FRMD4B: variants seen among roughly 807,000 people sequenced by gnomAD.
The protein encoded by FRMD4B is FERM domain-containing protein 4B.
Under a neutral mutation model 141.5 loss-of-function variants are expected in FRMD4B, and 74 were observed. The observed-to-expected ratio is 0.52, with a 90% CI of 0.43 to 0.63. The LOEUF (loss-of-function observed/expected upper bound fraction) is 0.63. Among genes scored for constraint, FRMD4B ranks in the 30% least tolerant of loss-of-function variants. The pLI, the probability that FRMD4B is intolerant of heterozygous loss-of-function variation, is 0.00. For synonymous variants in FRMD4B, 506 were observed against 467.9 expected, an observed-to-expected ratio of 1.08 and a Z score of -1.05; for missense variants, 1,366 against 1,253.4, an observed-to-expected ratio of 1.09 and a Z score of -1.36.
In FRMD4B at chr3:69,215,282, C is replaced by CTTTTTTTTTTTTTTTT. The variant is rs1559724064; in HGVS notation, c.876+980_876+981insAAAAAAAAAAAAAAAA. ...AATCCAAATCTGATAGATTGTGACC[C>CTTTTTTTTTTTTTTTT]TCTTTTTTTTTTTTTTTTTTTTTTT... On this transcript the variant is annotated intron_variant, in intron 11 of 22. Coordinates refer to ENST00000398540, the MANE Select transcript of FRMD4B (RefSeq NM_015123.3). Among the ~76,000 whole-genome samples, 14 of 37,482 alleles carry CTTTTTTTTTTTTTTTT rather than the reference C, an allele frequency of 3.7e-4. 2 individuals are homozygous for CTTTTTTTTTTTTTTTT. In the East Asian group the frequency reaches 5.1e-3, roughly 14 times the overall value. 24.6% of individuals were successfully genotyped at this position (37,482 alleles called of 152,430 possible). A position where few individuals can be genotyped will look rare whatever the true frequency, so the allele number is the denominator to read the frequency against.
chr3:69,406,814 C>G (rs1704657468), intron 2 of FRMD4B, among the ~76,000 whole-genome samples: 1 of 152,004 alleles, frequency 6.6e-6, no homozygotes, highest in Non-Finnish European at 1.5e-5. Flanking sequence ...CTCACCATAA[C>G]CTTGAACTTC....
At chr3:69,404,193 G>T (rs1427232242) in intron 2 of FRMD4B, among the ~76,000 whole-genome samples, 1 of 152,116 alleles carries the variant, frequency 6.6e-6, no homozygotes, top group Non-Finnish European at 1.5e-5. Context: ...CAATGTGCCT[G>T]GTCTCCTAAG....
At chr3:69,459,677 G>C (rs563386952) in intron 1 of FRMD4B, among the ~76,000 whole-genome samples, 1 of 152,158 alleles carries the variant, frequency 6.6e-6, no homozygotes, top group Admixed American at 6.5e-5. Context: ...TCCCTGCCTC[G>C]GTTTTCCCAT....
At chr3:69,207,090 G>A (rs910147766) in intron 11 of FRMD4B, among the ~76,000 whole-genome samples, 1 of 151,422 alleles carries the variant, frequency 6.6e-6, no homozygotes, top group African/African-American at 2.4e-5. Flanking sequence ...ATCACTTGAG[G>A]CCATGAGTTC....
At position 69,200,544 on chromosome 3, in the gene FRMD4B, A is replaced by C; in HGVS notation, c.877-1770T>G. On this transcript the variant is annotated intron_variant, in intron 11 of 22. Coordinates refer to ENST00000398540, the MANE Select transcript of FRMD4B (RefSeq NM_015123.3). The stretch of plus-strand genomic sequence containing the variant: ...TTCATAAGACACTTAGGTGTAACTC[A>C]ATTTCACAAACTGAGCCTCCCACGG... The C allele has an allele frequency of 5.4e-6, 6 of 1,110,136 alleles. No homozygotes were observed. The South Asian group carries it at 8.9e-5, about 16-fold the overall frequency. The allele number at this position is 1,110,136 out of a possible 1,614,324, so 68.8% of individuals were successfully genotyped here.
Position 69,224,653 on chromosome 3 carries a change from C to A in FRMD4B, c.619G>T (p.Ala207Ser). The change falls in exon 8 of 23, where the codon GCC (alanine) becomes TCC (serine). Residue 207 changes from alanine to serine, a missense_variant. Ala to Ser is a moderately conservative substitution (Grantham distance 99). Coordinates refer to ENST00000398540, the MANE Select transcript of FRMD4B (RefSeq NM_015123.3). ...TCCTGAAGAGTTTTGGTTGGAAAGG[C>A]TGGTAATGTCTTTAAATCTTTCCTG... The part of the protein sequence containing the change: ...NARKDLKTLP[A>S]FPTKTLQEHP... 6.3e-7 allele frequency: 1 copy of A among 1,583,048 alleles called. No individual in the cohort carries two copies. Among genetic ancestry groups the A allele is most frequent in the Non-Finnish European group, 8.6e-7 (1 of 1,158,264 alleles).
intron 1 of FRMD4B, among the ~76,000 whole-genome samples, chr3:69,498,906 T>C (rs1421701568): frequency 6.6e-6 from 1 of 152,218 alleles, no homozygotes; most frequent in East Asian, 1.9e-4. Context: ...AATTTCCTAC[T>C]GTCATGAAGC....
At chr3:69,539,399 A>G (rs1010943172) in intron 1 of FRMD4B, among the ~76,000 whole-genome samples, 1 of 152,190 alleles carries the variant, frequency 6.6e-6, no homozygotes, top group African/African-American at 2.4e-5. Flanking sequence ...AGTGGCTGTG[A>G]AGTTAACTCC....
At chr3:69,380,574 C>G (rs1378901301) in intron 1 of FRMD4B, among the ~76,000 whole-genome samples, 2 of 152,144 alleles carry the variant, frequency 1.3e-5, no homozygotes, top group African/African-American at 4.8e-5. Context: ...CCACTCTTAC[C>G]CAGGAGGAAA....
chr3:69,459,274 G>A (rs1473055650), intron 1 of FRMD4B, among the ~76,000 whole-genome samples: 2 of 151,936 alleles, frequency 1.3e-5, no homozygotes, highest in African/African-American at 4.8e-5. Context: ...AATGAGCTCT[G>A]TCTAATTATT....
At chr3:69,355,373 T>C (rs1302550741) in intron 1 of FRMD4B, among the ~76,000 whole-genome samples, 1 of 152,210 alleles carries the variant, frequency 6.6e-6, no homozygotes, top group Non-Finnish European at 1.5e-5. Context: ...GCCTGAGTCT[T>C]CTTGTTTGGA....
chr3:69,318,098 A>G (rs114640099), intron 1 of FRMD4B, among the ~76,000 whole-genome samples: 2,161 of 152,214 alleles, frequency 0.014, 26 homozygotes, highest in Non-Finnish European at 0.022. Context: ...CCACCTCCTG[A>G]GTAGCTGGGA....
intron 5 of FRMD4B, among the ~76,000 whole-genome samples, chr3:69,261,109 G>A (rs2093524495): frequency 6.6e-6 from 1 of 152,188 alleles, no homozygotes; most frequent in African/African-American, 2.4e-5. Context: ...TGGAAGGGTT[G>A]TTCTTTTTGG....
At chr3:69,421,867 G>T (rs895460004) in intron 2 of FRMD4B, among the ~76,000 whole-genome samples, 8 of 152,106 alleles carry the variant, frequency 5.3e-5, no homozygotes, top group African/African-American at 1.7e-4. Flanking sequence ...AAGACAAAAT[G>T]AAACAAAGGT....
intron 2 of FRMD4B, among the ~76,000 whole-genome samples, chr3:69,418,027 G>A (rs1442596686): frequency 6.6e-6 from 1 of 152,116 alleles, no homozygotes; most frequent in Admixed American, 6.6e-5. Flanking sequence ...GGCCCATACA[G>A]ATAATCTAGA....
intron 1 of FRMD4B, among the ~76,000 whole-genome samples, chr3:69,380,141 T>C (rs78931193): frequency 0.011 from 1,666 of 152,334 alleles, 18 homozygotes; most frequent in African/African-American, 0.038. Flanking sequence ...AGATTGTCTC[T>C]TCAGAGACCC....
intron 7 of FRMD4B, among the ~76,000 whole-genome samples, chr3:69,243,700 G>T (rs1341094754): frequency 6.6e-6 from 1 of 152,152 alleles, no homozygotes; most frequent in Non-Finnish European, 1.5e-5. Context: ...TTGTTCAATG[G>T]AGATAATAGC....
chr3:69,457,936 C>T (rs1394725614), intron 1 of FRMD4B, among the ~76,000 whole-genome samples: 2 of 152,150 alleles, frequency 1.3e-5, no homozygotes, highest in Non-Finnish European at 2.9e-5. Flanking sequence ...TGGATAAATA[C>T]CCCAGCCTCT....
intron 7 of FRMD4B, chr3:69,228,306 A>C: frequency 2.2e-6 from 1 of 456,592 alleles, no homozygotes; most frequent in South Asian, 1.5e-5. Flanking sequence ...TTTTTCTCTT[A>C]TGTCACTCTG....
Sources: gnomAD v4.1 joint callset for allele counts (sites outside exome capture counted in the v4.1 genomes callset) on GRCh38, gnomAD v4.1.1 for gene constraint, MANE v1.5 for transcripts, NCBI Gene and HGNC (gene_info 2026-07-23, HGNC 2026-07-21) for gene names.